The following XPR1 variants were observed in gnomAD, a reference collection of about 807,000 sequenced individuals.
The protein encoded by XPR1 is solute carrier family 53 member 1.
XPR1 carries 28 observed loss-of-function variants against 87.5 expected under a neutral mutation model. That is an observed-to-expected ratio of 0.32 (90% CI 0.24 to 0.44). The LOEUF is 0.44. Among genes scored for constraint, XPR1 ranks in the 20% least tolerant of loss-of-function variants. XPR1 has a pLI of 1.00. For synonymous variants in XPR1, 300 were observed against 306.1 expected (o/e 0.98, Z 0.21); for missense variants, 559 against 862.3 (o/e 0.65, Z 4.41).
rs573546515 is a variant in XPR1, at chr1:180,710,551, A to G, written c.121+28140A>G. 1.7e-3 allele frequency among the ~76,000 whole-genome samples: 262 copies of G among 152,324 alleles called. 1 individual carries two copies. The highest frequency in any genetic ancestry group is 6.0e-3 in the African/African-American group (251 of 41,580). On this transcript the variant is annotated intron_variant, in intron 2 of 14. Transcript: ENST00000367590. Reference sequence around the variant, plus strand: ...ACAGATCAACAGCATCCCAAGGCAGAAGAATTTTTCTTAGTACAGAACAAA... The same window carrying G: ...ACAGATCAACAGCATCCCAAGGCAGGAGAATTTTTCTTAGTACAGAACAAA...
At chr1:180,833,264 A>G (rs894174757) in intron 9 of XPR1, among the ~76,000 whole-genome samples, 3 of 152,352 alleles carry the variant, frequency 2.0e-5, no homozygotes, top group South Asian at 4.1e-4. Flanking sequence ...AAGAAACTGC[A>G]TCAATTAATG....
At chr1:180,803,673 G>A (rs1649878664) in intron 4 of XPR1, 62 bp downstream of exon 4, 10 of 1,419,652 alleles carry the variant, frequency 7.0e-6, no homozygotes, top group South Asian at 4.9e-5. Flanking sequence ...TCAATAAATG[G>A]AAGTACCCTA....
intron 12 of XPR1, among the ~76,000 whole-genome samples, chr1:180,866,812 T>TTTA (rs1558044936): frequency 2.1e-5 from 1 of 48,470 alleles, no homozygotes; most frequent in African/African-American, 9.3e-5. Flanking sequence ...TTTTTTTTAA[T>TTTA]TTTTTTTTTT....
intron 12 of XPR1, among the ~76,000 whole-genome samples, chr1:180,865,233 A>G (rs1652347922): frequency 6.6e-6 from 1 of 152,174 alleles, no homozygotes; most frequent in Non-Finnish European, 1.5e-5. Context: ...ATTAGAATAT[A>G]TGACCAAGAT....
intron 2 of XPR1, among the ~76,000 whole-genome samples, chr1:180,785,598 A>G (rs1366342632): frequency 3.9e-5 from 6 of 152,078 alleles, no homozygotes; most frequent in African/African-American, 1.4e-4. Flanking sequence ...ATTCTTGGTG[A>G]TACTATAAAT....
At chr1:180,801,663 GA>G (rs1649787660) in intron 3 of XPR1, among the ~76,000 whole-genome samples, 1 of 152,108 alleles carries the variant, frequency 6.6e-6, no homozygotes, top group Admixed American at 6.5e-5. Flanking sequence ...ACAACAGCAA[GA>G]CAGTATAGCA....
chr1:180,730,775 C>G (rs183771217), intron 2 of XPR1, among the ~76,000 whole-genome samples: 3 of 152,206 alleles, frequency 2.0e-5, no homozygotes, highest in African/African-American at 7.2e-5. Flanking sequence ...TGATCCTCCC[C>G]CCTCAGCCTC....
At chr1:180,840,248 A>G (rs1055389289) in intron 11 of XPR1, among the ~76,000 whole-genome samples, 2 of 150,376 alleles carry the variant, frequency 1.3e-5, no homozygotes, top group Admixed American at 6.6e-5. Context: ...AAAAAAAAAA[A>G]AAGAAGTGTT....
chr1:180,793,489 TCA>T (rs1491039689), intron 3 of XPR1, among the ~76,000 whole-genome samples: 1 of 144,950 alleles, frequency 6.9e-6, no homozygotes, highest in Non-Finnish European at 1.6e-5. Context: ...TGTTCTTTGC[TCA>T]TGTGTGTGTT....
chr1:180,725,332 G>T (rs1383001930), intron 2 of XPR1, among the ~76,000 whole-genome samples: 2 of 152,118 alleles, frequency 1.3e-5, no homozygotes, highest in Non-Finnish European at 2.9e-5. Flanking sequence ...TAATCTTCCT[G>T]ATGAAGGACA....
chr1:180,697,155 T>C lies in XPR1; in HGVS notation c.121+14744T>C, dbSNP rs1029305995. ...CTTTTTATTACTGATTCAGTCTTAC[T>C]ACTCGTTATTGGTCTTTTCAGGTTT... On this transcript the variant is annotated intron_variant, in intron 2 of 14. Coordinates refer to ENST00000367590, the MANE Select transcript of XPR1 (RefSeq NM_004736.4). Among the ~76,000 whole-genome samples, 4 of 152,190 alleles carry C rather than the reference T, an allele frequency of 2.6e-5. 1 individual carries two copies. The highest frequency in any genetic ancestry group is 3.8e-4 in the East Asian group (2 of 5,202).
chr1:180,845,435 A>G (rs1253074475), intron 11 of XPR1, among the ~76,000 whole-genome samples: 1 of 152,260 alleles, frequency 6.6e-6, no homozygotes, highest in Non-Finnish European at 1.5e-5. Context: ...CAGTAACTGC[A>G]TAGTATATGA....
intron 2 of XPR1, among the ~76,000 whole-genome samples, chr1:180,744,654 C>CTTTCTTTTTTTT (rs778247901): frequency 9.8e-6 from 1 of 102,396 alleles, no homozygotes; most frequent in Non-Finnish European, 1.8e-5. Flanking sequence ...CAATTTCTTT[C>CTTTCTTTTTTTT]TTTTTTTTTT....
At chr1:180,686,268 T>C (rs1338208330) in intron 2 of XPR1, among the ~76,000 whole-genome samples, 5 of 152,162 alleles carry the variant, frequency 3.3e-5, no homozygotes, top group Admixed American at 1.3e-4. Flanking sequence ...CAGGAGCAGG[T>C]TGTTCAGTTT....
At chr1:180,820,364 G>A (rs1351268379) in intron 7 of XPR1, among the ~76,000 whole-genome samples, 1 of 152,016 alleles carries the variant, frequency 6.6e-6, no homozygotes, top group Non-Finnish European at 1.5e-5. Context: ...TCCATAAATG[G>A]TGTCATACAA....
chr1:180,796,713 A>G (rs1442721638), intron 3 of XPR1, among the ~76,000 whole-genome samples: 1 of 152,210 alleles, frequency 6.6e-6, no homozygotes. Context: ...AAACAATTCA[A>G]ATGTCTGCAG....
chr1:180,780,229 A>G (rs1183434032), intron 2 of XPR1, among the ~76,000 whole-genome samples: 1 of 152,198 alleles, frequency 6.6e-6, no homozygotes, highest in African/African-American at 2.4e-5. Context: ...TTTTTGAGGA[A>G]CTACCGAACT....
At chr1:180,715,353 G>C (rs1402956822) in intron 2 of XPR1, among the ~76,000 whole-genome samples, 1 of 152,158 alleles carries the variant, frequency 6.6e-6, no homozygotes, top group Non-Finnish European at 1.5e-5. Flanking sequence ...TTTGTAAGTG[G>C]ACAGACCATG....
chr1:180,883,380 G>A (rs1284941520), intron 14 of XPR1, among the ~76,000 whole-genome samples: 3 of 151,922 alleles, frequency 2.0e-5, no homozygotes, highest in African/African-American at 4.8e-5. Flanking sequence ...AGATGGAAAC[G>A]GGCACTCAAA....
Sources: gnomAD v4.1 joint callset for allele counts (sites outside exome capture counted in the v4.1 genomes callset) on GRCh38, gnomAD v4.1.1 for gene constraint, MANE v1.5 for transcripts, NCBI Gene and HGNC (gene_info 2026-07-23, HGNC 2026-07-21) for gene names.